Variants in SMIM31 observed in about 807,000 individuals in gnomAD.
The protein encoded by SMIM31 is human epithelial cell program regulator.
At chr4:164,795,063 T>G (rs1445454445) in intron 2 of SMIM31, among the ~76,000 whole-genome samples, 1 of 152,060 alleles carries the variant, frequency 6.6e-6, no homozygotes, top group Non-Finnish European at 1.5e-5. Flanking sequence ...TACTAATAAA[T>G]CTCTATTTTT....
chr4:164,761,633 C>T (rs1228995353), intron 1 of SMIM31, among the ~76,000 whole-genome samples: 1 of 151,986 alleles, frequency 6.6e-6, no homozygotes, highest in East Asian at 1.9e-4. Flanking sequence ...TTAATAAGGT[C>T]TCTGGCTGGG....
chr4:164,788,472 A>C (rs1314512261), intron 2 of SMIM31, among the ~76,000 whole-genome samples: 1 of 60,504 alleles, frequency 1.7e-5, no homozygotes, highest in African/African-American at 6.5e-5. Flanking sequence ...CTTTCTTCTA[A>C]TTTTTCTTTT....
intron 2 of SMIM31, among the ~76,000 whole-genome samples, chr4:164,785,161 G>A (rs1302105081): frequency 1.3e-5 from 2 of 151,820 alleles, no homozygotes; most frequent in Admixed American, 1.3e-4. Flanking sequence ...AGGAGGCGGA[G>A]GTTGCGGTAA....
At chr4:164,773,869 A>G (rs1201238654) in intron 2 of SMIM31, among the ~76,000 whole-genome samples, 2 of 152,054 alleles carry the variant, frequency 1.3e-5, no homozygotes, top group Non-Finnish European at 2.9e-5. Flanking sequence ...AGATAGAGCA[A>G]TAAGATTCAT....
In SMIM31 at chr4:164,758,801, A is replaced by ATTTTTTTTTTTT. The variant is rs35632469; in HGVS notation, c.-26+4419_-26+4430dup. Among the ~76,000 whole-genome samples, 196 of 60,896 alleles carry ATTTTTTTTTTTT rather than the reference A, an allele frequency of 3.2e-3. 7 individuals are homozygous for ATTTTTTTTTTTT. The highest frequency in any genetic ancestry group is 0.019 in the Middle Eastern group (1 of 52). 40.0% of individuals were successfully genotyped at this position (60,896 alleles called of 152,430 possible). A position where few individuals can be genotyped will look rare whatever the true frequency, so the allele number is the denominator to read the frequency against. ...GGCGCCCGCCACCACGCCCGGCCAA[A>ATTTTTTTTTTTT]TTTTTTTTTTTTTTTTTTTTTTTTT... On this transcript the variant is annotated intron_variant, in intron 1 of 2. Transcript: ENST00000507311.
chr4:164,783,217 CA>C (rs753365487), intron 2 of SMIM31, among the ~76,000 whole-genome samples: 1,787 of 32,838 alleles, frequency 0.054, 47 homozygotes, highest in East Asian at 0.17. Context: ...GACTCTGTCT[CA>C]AAAAAAAAAA....
intron 2 of SMIM31, among the ~76,000 whole-genome samples, chr4:164,798,300 C>T (rs1733233169): frequency 6.6e-6 from 1 of 150,910 alleles, no homozygotes; most frequent in Admixed American, 6.6e-5. Context: ...ATGGCTCGAT[C>T]TCAGGTCACT....
At chr4:164,766,006 T>G (rs757343918) in intron 1 of SMIM31, among the ~76,000 whole-genome samples, 9 of 152,058 alleles carry the variant, frequency 5.9e-5, no homozygotes, top group Non-Finnish European at 1.2e-4. Flanking sequence ...CGAGCAATCA[T>G]AACAGCACTC....
At chr4:164,781,594 TA>T (rs1228355954) in intron 2 of SMIM31, among the ~76,000 whole-genome samples, 1 of 152,206 alleles carries the variant, frequency 6.6e-6, no homozygotes, top group Non-Finnish European at 1.5e-5. Context: ...GTCCTAAGCA[TA>T]GGAGGACTTT....
chr4:164,784,917 G>A (rs544977959), intron 2 of SMIM31, among the ~76,000 whole-genome samples: 5 of 114,670 alleles, frequency 4.4e-5, no homozygotes, highest in Admixed American at 1.7e-4. Flanking sequence ...TTTTAATTCC[G>A]TGAGTTGTAA....
rs1732532335 is a variant in SMIM31, at chr4:164,754,671, G to T, written c.-26+260G>T. On this transcript the variant is annotated intron_variant, in intron 1 of 2. Transcript: ENST00000507311. ...ATTTTTCTTCTCTTTTGCTATGTTTGGTTTATTTGTCCTAGTTTTGTTTTT... is the reference window on the plus strand; with the variant it reads ...ATTTTTCTTCTCTTTTGCTATGTTTTGTTTATTTGTCCTAGTTTTGTTTTT... Among the ~76,000 whole-genome samples the T allele has an allele frequency of 2.8e-5, 4 of 141,788 alleles. 1 individual carries two copies. In the South Asian group the frequency reaches 8.9e-4, roughly 32 times the overall value. 93.0% of individuals were successfully genotyped at this position (141,788 alleles called of 152,430 possible).
chr4:164,797,810 G>T (rs987138425), intron 2 of SMIM31, among the ~76,000 whole-genome samples: 1 of 151,930 alleles, frequency 6.6e-6, no homozygotes. Context: ...GGTGAAATCT[G>T]GGCTTTTAGT....
chr4:164,775,626 G>A lies in SMIM31; in HGVS notation c.112+5071G>A, dbSNP rs112551229. 1.5e-3 allele frequency among the ~76,000 whole-genome samples: 233 copies of A among 152,274 alleles called. 1 individual carries two copies. The highest frequency in any genetic ancestry group is 2.4e-3 in the Non-Finnish European group (166 of 68,026). On this transcript the variant is annotated intron_variant, in intron 2 of 2. Transcript: ENST00000507311. ...ATAAAATCAATCTGCTTACTTGTGC[G>A]CACACGTTTGTGTGTGTGTCTTTGA...
At chr4:164,771,789 A>C (rs2110933539) in intron 2 of SMIM31, among the ~76,000 whole-genome samples, 1 of 152,316 alleles carries the variant, frequency 6.6e-6, no homozygotes, top group East Asian at 1.9e-4. Flanking sequence ...AGCCTGAGTG[A>C]CAGAGAAAGA....
intron 1 of SMIM31, among the ~76,000 whole-genome samples, chr4:164,760,738 TAA>T (rs60710008): frequency 0.13 from 11,095 of 86,176 alleles, 567 homozygotes; most frequent in Admixed American, 0.24. Flanking sequence ...AGACTCCACC[TAA>T]AAAAAAAAAA....
chr4:164,782,253 G>A (rs35225111), intron 2 of SMIM31, among the ~76,000 whole-genome samples: 11,608 of 151,032 alleles, frequency 0.077, 1,233 homozygotes, highest in African/African-American at 0.24. Context: ...CCGCGCCATT[G>A]CACTCCACCT....
chr4:164,800,283 C>T (rs748539122), intron 2 of SMIM31, among the ~76,000 whole-genome samples: 24 of 151,774 alleles, frequency 1.6e-4, no homozygotes, highest in Non-Finnish European at 2.8e-4. Context: ...TATCTCAGCT[C>T]TCTGCAATCT....
intron 2 of SMIM31, among the ~76,000 whole-genome samples, chr4:164,792,220 A>G (rs1733110989): frequency 6.6e-6 from 1 of 152,200 alleles, no homozygotes; most frequent in African/African-American, 2.4e-5. Context: ...AACATTTTAG[A>G]TTATCATTAA....
chr4:164,799,093 A>C (rs1733249177), intron 2 of SMIM31, among the ~76,000 whole-genome samples: 1 of 151,948 alleles, frequency 6.6e-6, no homozygotes, highest in Non-Finnish European at 1.5e-5. Flanking sequence ...TTTCTTTATA[A>C]ATTACCCAGT....
Sources: allele counts gnomAD v4.1 joint callset (sites outside exome capture counted in the v4.1 genomes callset), GRCh38; gene constraint gnomAD v4.1.1; transcripts MANE v1.5; gene names NCBI Gene and HGNC (gene_info 2026-07-23, HGNC 2026-07-21).